Variants in KMT2E observed in about 807,000 individuals in gnomAD.
KMT2E encodes the protein lysine methyltransferase 2E (inactive), also known as histone reader KMT2E.
KMT2E carries 30 observed loss-of-function variants against 184.6 expected under a neutral mutation model. That is an observed-to-expected ratio of 0.16 (90% CI 0.12 to 0.22). KMT2E has a LOEUF of 0.22. Ranked by LOEUF, KMT2E falls within the 10% of genes least tolerant of loss-of-function variation. The pLI, the probability that KMT2E is intolerant of heterozygous loss-of-function variation, is 1.00. For missense variants in KMT2E, 2,023 were observed against 2,237.4 expected (o/e 0.90, Z 1.93); for synonymous variants, 815 against 776.5 (o/e 1.05, Z -0.82).
In KMT2E at chr7:105,112,138, A is replaced by G. The variant is rs542283918; in HGVS notation, c.4382A>G (p.Gln1461Arg). 7 of 1,614,054 alleles carry G rather than the reference A, an allele frequency of 4.3e-6. No individual in the cohort carries two copies. The African/African-American group carries it at 5.3e-5, about 12-fold the overall frequency. The change falls in exon 27 of 27, where the codon CAG becomes CGG. Residue 1461 changes from glutamine to arginine, a missense_variant. Gln to Arg is a conservative substitution (Grantham distance 43). This residue lies in a region of KMT2E where 1,108 missense variants were observed against 1,050.9 expected (regional missense o/e 1.05). Coordinates refer to ENST00000311117, the MANE Select transcript of KMT2E (RefSeq NM_182931.3). ...PKSSTPHTPV[Q>R]HGYLSPKPPS... ...TCATCCACGCCTCACACACCTGTACAGCATGGTTATCTTTCACCAAAGCCT... is the reference window on the plus strand; with the variant it reads ...TCATCCACGCCTCACACACCTGTACGGCATGGTTATCTTTCACCAAAGCCT...
chr7:105,037,193 C>T (rs1795696005), intron 1 of KMT2E, among the ~76,000 whole-genome samples: 1 of 152,054 alleles, frequency 6.6e-6, no homozygotes, highest in Non-Finnish European at 1.5e-5. Context: ...GAGCACTGTG[C>T]CAGGTGCTTA....
At chr7:105,111,166 G>T (rs539358409) in intron 26 of KMT2E, 2 of 287,222 alleles carry the variant, frequency 7.0e-6, no homozygotes, top group Non-Finnish European at 1.3e-5. Context: ...GCCTTGTCAT[G>T]AAATTCTTAA....
rs1799428555 is a variant in KMT2E, at chr7:105,113,496, T to TA, written c.*169dup. Reference sequence around the variant, plus strand: ...TCATTTTTGCTTTTTAAAATTCCTTTAAAAAATGTGCTGTTAAGCCAGTAT... The same window carrying TA: ...TCATTTTTGCTTTTTAAAATTCCTTTAAAAAAATGTGCTGTTAAGCCAGTAT... On this transcript the variant is annotated 3_prime_UTR_variant, in exon 27 of 27. Transcript: ENST00000311117. The TA allele has an allele frequency of 2.6e-6, 2 of 776,930 alleles. No homozygotes were observed. Among genetic ancestry groups the TA allele is most frequent in the South Asian group, 2.3e-5 (1 of 43,714 alleles). 48.1% of individuals were successfully genotyped at this position (776,930 alleles called of 1,614,324 possible).
At chr7:105,054,509 T>TA (rs1796493750) in intron 3 of KMT2E, among the ~76,000 whole-genome samples, 1 of 150,770 alleles carries the variant, frequency 6.6e-6, no homozygotes, top group South Asian at 2.1e-4. Flanking sequence ...TCTATCTATC[T>TA]ATCTATCTGT....
chr7:105,088,624 G>A (rs977925748), intron 13 of KMT2E, among the ~76,000 whole-genome samples: 2 of 152,130 alleles, frequency 1.3e-5, no homozygotes, highest in African/African-American at 4.8e-5. Context: ...TAGCAGCTGT[G>A]GTAAAGATAA....
chr7:105,015,355 A>G (rs959117533), intron 1 of KMT2E, among the ~76,000 whole-genome samples: 4 of 152,222 alleles, frequency 2.6e-5, no homozygotes, highest in Non-Finnish European at 5.9e-5. Flanking sequence ...GCTCTCTTCT[A>G]CTGGCCTTAG....
chr7:105,113,396 CTG>C lies in KMT2E; in HGVS notation c.*65_*66del. On this transcript the variant is annotated 3_prime_UTR_variant, in exon 27 of 27. Coordinates refer to ENST00000311117, the MANE Select transcript of KMT2E (RefSeq NM_182931.3). ...GATAAACTGTATATTTCATATGTAC[CTG>C]TTAAGGTACTTTTTAAAGCTTGTAC... 6.7e-7 allele frequency: 1 copy of C among 1,486,662 alleles called. No individual in the cohort carries two copies. The highest frequency in any genetic ancestry group is 1.3e-5 in the South Asian group (1 of 74,956). 92.1% of individuals were successfully genotyped at this position (1,486,662 alleles called of 1,614,324 possible). A position where few individuals can be genotyped will look rare whatever the true frequency, so the allele number is the denominator to read the frequency against.
intron 3 of KMT2E, among the ~76,000 whole-genome samples, chr7:105,047,128 A>G (rs567158327): frequency 2.0e-5 from 3 of 152,380 alleles, no homozygotes; most frequent in African/African-American, 7.2e-5. Flanking sequence ...GTGACAACAC[A>G]TGTGAAATGT....
chr7:105,065,698 C>T (rs1055498487), intron 5 of KMT2E, among the ~76,000 whole-genome samples: 4 of 152,082 alleles, frequency 2.6e-5, no homozygotes, highest in Non-Finnish European at 5.9e-5. Flanking sequence ...TCCTTCTGCC[C>T]CCCTCTCTCC....
chr7:105,112,308 T>A lies in KMT2E; in HGVS notation c.4552T>A (p.Leu1518Ile), dbSNP rs546695982. 6.2e-7 allele frequency: 1 copy of A among 1,613,944 alleles called. No individual in the cohort carries two copies. Among genetic ancestry groups the A allele is most frequent in the Non-Finnish European group, 8.5e-7 (1 of 1,180,016 alleles). The change falls in exon 27 of 27, where the codon TTA (leucine) becomes ATA (isoleucine). Residue 1518 changes from leucine to isoleucine, a missense_variant. Transcript: ENST00000311117. ...TACTCAGCAGGCAACTTCTGGAACA[T>A]TATTTACACAGACACCCTCAGGACA... ...ANTQQATSGT[L>I]FTQTPSGQSS...
At chr7:105,047,729 G>T (rs1796167763) in intron 3 of KMT2E, among the ~76,000 whole-genome samples, 1 of 152,150 alleles carries the variant, frequency 6.6e-6, no homozygotes, top group Non-Finnish European at 1.5e-5. Flanking sequence ...GATATTCCTG[G>T]TCTATTTTAG....
intron 3 of KMT2E, among the ~76,000 whole-genome samples, chr7:105,059,975 GTTGTTTTTTTTTTTTTT>G (rs1796732378): frequency 2.2e-5 from 1 of 45,616 alleles, no homozygotes; most frequent in Non-Finnish European, 5.5e-5. Flanking sequence ...TTTTCTTGTT[GTTGTTTTTTTTTTTTTT>G]TTTTTTTTTT....
At chr7:105,090,320 ATC>A in intron 14 of KMT2E, 47 bp downstream of exon 14, 1 of 1,544,302 alleles carries the variant, frequency 6.5e-7, no homozygotes, top group African/African-American at 1.4e-5. Context: ...AAGGAAAATA[ATC>A]TGTCATATTT....
At chr7:105,052,133 C>T (rs939783649) in intron 3 of KMT2E, among the ~76,000 whole-genome samples, 15 of 152,142 alleles carry the variant, frequency 9.9e-5, no homozygotes, top group African/African-American at 3.6e-4. Context: ...TTTTTATGAC[C>T]ATAAGGCCCT....
chr7:105,042,101 A>G (rs1391463100), intron 3 of KMT2E, among the ~76,000 whole-genome samples: 2 of 152,044 alleles, frequency 1.3e-5, no homozygotes. Context: ...AGGGATTCTC[A>G]TGTCTTAGCC....
chr7:105,033,802 AG>A (rs917474314), intron 1 of KMT2E, among the ~76,000 whole-genome samples: 8 of 152,174 alleles, frequency 5.3e-5, no homozygotes, highest in Non-Finnish European at 8.8e-5. Flanking sequence ...CCCGGCCCAA[AG>A]GGTTTTTAGT....
intron 9 of KMT2E, 131 bp from the exon 10 acceptor site, chr7:105,076,832 T>C (rs1797544428): frequency 3.0e-6 from 2 of 676,942 alleles, no homozygotes; most frequent in Non-Finnish European, 2.6e-6. Context: ...CAGCAGTTTC[T>C]AGTTTATATT....
At chr7:105,048,726 T>C (rs927939774) in intron 3 of KMT2E, among the ~76,000 whole-genome samples, 4 of 152,252 alleles carry the variant, frequency 2.6e-5, no homozygotes, top group Non-Finnish European at 5.9e-5. Flanking sequence ...CTGTTGTAAC[T>C]ACTCAGCTCT....
chr7:105,094,314 T>C (rs1424744113), intron 15 of KMT2E, among the ~76,000 whole-genome samples: 1 of 152,172 alleles, frequency 6.6e-6, no homozygotes, highest in Non-Finnish European at 1.5e-5. Flanking sequence ...ATAAAGATGG[T>C]AGCATACTAC....
Sources: gnomAD v4.1 joint callset for allele counts (sites outside exome capture counted in the v4.1 genomes callset) on GRCh38, gnomAD v4.1.1 for gene constraint, gnomAD v4.1.1 regional missense constraint, MANE v1.5 for transcripts, NCBI Gene and HGNC (gene_info 2026-07-23, HGNC 2026-07-21) for gene names.